ATP13A4: variants seen among roughly 807,000 people sequenced by gnomAD.
The protein encoded by ATP13A4 is ATPase 13A4.
A neutral mutation model predicts 142.5 loss-of-function variants in ATP13A4; 114 were observed. That is an observed-to-expected ratio of 0.80 (90% CI 0.69 to 0.93). ATP13A4 has a LOEUF of 0.93. Ranked by LOEUF, ATP13A4 falls within the 40% of genes least tolerant of loss-of-function variation. The probability of loss-of-function intolerance (pLI) is 0.00; values close to 1 mark genes in which losing one functional copy is unlikely to be tolerated. For missense variants in ATP13A4, 1,392 were observed against 1,454.0 expected, an observed-to-expected ratio of 0.96 and a Z score of 0.69; for synonymous variants, 488 against 514.8, an observed-to-expected ratio of 0.95 and a Z score of 0.70.
At chr3:193,500,975 A>C (rs1459044342) in intron 3 of ATP13A4, among the ~76,000 whole-genome samples, 1 of 152,220 alleles carries the variant, frequency 6.6e-6, no homozygotes, top group Admixed American at 6.5e-5. Context: ...TAAGAAACTC[A>C]AGACCAGAGA....
At chr3:193,558,329 T>C (rs1723947539), upstream of ATP13A4, among the ~76,000 whole-genome samples, 1 of 152,244 alleles carries the variant, frequency 6.6e-6, no homozygotes, top group Admixed American at 6.5e-5. Flanking sequence ...TCTACGTGCC[T>C]CACGGGTTGT....
chr3:193,448,113 G>C, intron 18 of ATP13A4, 93 bp downstream of exon 18: 2 of 1,536,716 alleles, frequency 1.3e-6, no homozygotes, highest in Non-Finnish European at 1.8e-6. Flanking sequence ...GTCTGGCCCA[G>C]AGTAGGTAGT....
At chr3:193,523,277 C>T (rs140864315) in intron 1 of ATP13A4, among the ~76,000 whole-genome samples, 3,638 of 151,186 alleles carry the variant, frequency 0.024, 140 homozygotes, top group African/African-American at 0.082. Flanking sequence ...GTACTCCAGG[C>T]TGGGCAACAA....
intron 2 of ATP13A4, chr3:193,579,399 CTT>C: frequency 4.8e-6 from 1 of 210,142 alleles, no homozygotes; most frequent in Admixed American, 4.8e-5. Context: ...TGATATGAGT[CTT>C]TTTCTTTCCC....
intron 3 of ATP13A4, among the ~76,000 whole-genome samples, chr3:193,496,797 CATAAATAAATAAATAAATAAATAA>C (rs4019217): frequency 6.9e-6 from 1 of 145,572 alleles, no homozygotes; most frequent in African/African-American, 2.5e-5. Context: ...TCTCAAAATA[CATAAATAAATAAATAAATAAATAA>C]ATAAATAAAT....
chr3:193,543,388 A>G (rs1030270237), intron 1 of ATP13A4, among the ~76,000 whole-genome samples: 1 of 152,190 alleles, frequency 6.6e-6, no homozygotes, highest in African/African-American at 2.4e-5. Context: ...TCTATCTGAC[A>G]GAGGTCTAAT....
intron 2 of ATP13A4, among the ~76,000 whole-genome samples, chr3:193,578,296 A>AATATCTATATCT (rs60425298): frequency 0.047 from 6,905 of 146,346 alleles, 192 homozygotes; most frequent in East Asian, 0.055. Context: ...CCATCTCAGA[A>AATATCTATATCT]ATATCTATAT....
chr3:193,566,313 C>A (rs1724133434), intron 2 of ATP13A4, among the ~76,000 whole-genome samples: 1 of 151,990 alleles, frequency 6.6e-6, no homozygotes, highest in South Asian at 2.1e-4. Flanking sequence ...TCTTTTTAGC[C>A]CCTATGATAG....
chr3:193,425,140 C>A (rs921912260), intron 25 of ATP13A4, among the ~76,000 whole-genome samples: 1 of 136,058 alleles, frequency 7.3e-6, no homozygotes, highest in Non-Finnish European at 1.6e-5. Context: ...CAGGGAAATG[C>A]AAATCAAAAC....
intron 1 of ATP13A4, among the ~76,000 whole-genome samples, chr3:193,532,879 A>G (rs895219988): frequency 5.3e-5 from 8 of 152,174 alleles, no homozygotes. Context: ...AATTAATGTT[A>G]ATAATAAATT....
At chr3:193,549,439 G>T (rs560840636) in intron 1 of ATP13A4, among the ~76,000 whole-genome samples, 4,143 of 146,064 alleles carry the variant, frequency 0.028, 64 homozygotes, top group Middle Eastern at 0.059. Flanking sequence ...TATATAGAGA[G>T]AGAGAGAGAG....
At chr3:193,512,121 C>G (rs1328359750) in intron 2 of ATP13A4, among the ~76,000 whole-genome samples, 2 of 152,306 alleles carry the variant, frequency 1.3e-5, no homozygotes, top group East Asian at 3.9e-4. Context: ...CAAGGCAGAG[C>G]GTGGTTCTGT....
Position 193,448,259 on chromosome 3 carries a change from T to G in ATP13A4, c.2099A>C (p.Lys700Thr). 1 of 1,614,180 alleles carries G rather than the reference T, an allele frequency of 6.2e-7. No homozygotes were observed. Among genetic ancestry groups the G allele is most frequent in the Non-Finnish European group, 8.5e-7 (1 of 1,180,024 alleles). Reference protein sequence around the residue: ...ILENRLKEETKPVLEELISAR... With the variant: ...ILENRLKEETTPVLEELISAR... ...TGAGATGAGCTCTTCCAAGACAGGT[T>G]TTGTCTCTTCCTTCAATCGATTCTC... Residue 700 changes from lysine to threonine, a missense_variant, in exon 18 of 30, where the codon AAA (lysine) becomes ACA (threonine). Physicochemically the swap from Lys to Thr is moderately conservative, Grantham distance 78. Coordinates refer to ENST00000342695, the MANE Select transcript of ATP13A4 (RefSeq NM_032279.4).
intron 7 of ATP13A4, among the ~76,000 whole-genome samples, chr3:193,487,794 T>C (rs904970632): frequency 1.3e-5 from 2 of 152,200 alleles, no homozygotes; most frequent in Non-Finnish European, 2.9e-5. Context: ...TGTATATGTA[T>C]ATATAGATGC....
At chr3:193,476,517 T>C (rs1343555277) in intron 8 of ATP13A4, among the ~76,000 whole-genome samples, 1 of 152,124 alleles carries the variant, frequency 6.6e-6, no homozygotes. Flanking sequence ...TGTTCACTTC[T>C]GGAGAAGCGC....
chr3:193,410,940 C>T (rs1714734119), intron 28 of ATP13A4, 42 bp downstream of exon 28: 2 of 1,250,128 alleles, frequency 1.6e-6, no homozygotes, highest in African/African-American at 1.5e-5. Context: ...TAAACTGTTA[C>T]ATAACTGTAA....
chr3:193,578,451 T>C (rs1475410280), intron 2 of ATP13A4, among the ~76,000 whole-genome samples: 1 of 152,162 alleles, frequency 6.6e-6, no homozygotes. Context: ...GTTCTCTCAG[T>C]ATGAAAAATA....
intron 12 of ATP13A4, 133 bp downstream of exon 12, chr3:193,464,807 C>T: frequency 3.2e-6 from 3 of 946,506 alleles, no homozygotes; most frequent in Non-Finnish European, 5.0e-6. Context: ...CCAGATCATG[C>T]ATCTAACCAG....
chr3:193,527,865 T>G (rs1293132782), intron 1 of ATP13A4, among the ~76,000 whole-genome samples: 2 of 152,084 alleles, frequency 1.3e-5, no homozygotes, highest in Non-Finnish European at 2.9e-5. Context: ...ACAGAGAGGG[T>G]TGAATTAAAT....
Sources: allele counts gnomAD v4.1 joint callset (sites outside exome capture counted in the v4.1 genomes callset), GRCh38; gene constraint gnomAD v4.1.1; transcripts MANE v1.5; gene names NCBI Gene and HGNC (gene_info 2026-07-23, HGNC 2026-07-21).